Variants in SLC24A2 observed in about 807,000 individuals in gnomAD.
The protein encoded by SLC24A2 is solute carrier family 24 member 2.
In SLC24A2, 36 loss-of-function variants were observed where a neutral mutation model predicts 62.0. That is an observed-to-expected ratio of 0.58 (90% CI 0.44 to 0.77). SLC24A2 has a LOEUF of 0.77. Among genes scored for constraint, SLC24A2 ranks in the 30% least tolerant of loss-of-function variants. The pLI is 0.00. For missense variants in SLC24A2, 846 were observed against 817.9 expected (o/e 1.03, Z -0.42); for synonymous variants, 358 against 294.0 (o/e 1.22, Z -2.23).
the SLC24A2 span, among the ~76,000 whole-genome samples, chr9:20,124,727 C>G: frequency 6.6e-6 from 1 of 152,274 alleles, no homozygotes; most frequent in Non-Finnish European, 1.5e-5. Flanking sequence ...TAATGTGCCC[C>G]CAGTTCCCTC....
At chr9:19,773,819 A>C (rs1436315975) in intron 2 of SLC24A2, among the ~76,000 whole-genome samples, 1 of 152,222 alleles carries the variant, frequency 6.6e-6, no homozygotes, top group Non-Finnish European at 1.5e-5. Context: ...GATGATACAC[A>C]CAAGAGTGAA....
At chr9:20,253,916 T>A in the SLC24A2 span, among the ~76,000 whole-genome samples, 1 of 152,096 alleles carries the variant, frequency 6.6e-6, no homozygotes, top group Non-Finnish European at 1.5e-5. Flanking sequence ...TACCAAATGC[T>A]TTACAAATGT....
chr9:19,561,335 T>TG (rs1835390163), intron 7 of SLC24A2, among the ~76,000 whole-genome samples: 1 of 149,588 alleles, frequency 6.7e-6, no homozygotes, highest in Admixed American at 6.7e-5. Flanking sequence ...GAGGTAAGTT[T>TG]ACGTGTTTCT....
chr9:19,962,859 C>T, the SLC24A2 span, among the ~76,000 whole-genome samples: 1 of 152,264 alleles, frequency 6.6e-6, no homozygotes, highest in South Asian at 2.1e-4. Flanking sequence ...TTTCCTTCTC[C>T]TGCCTAACTG....
chr9:20,162,830 G>A, the SLC24A2 span, among the ~76,000 whole-genome samples: 698 of 152,048 alleles, frequency 4.6e-3, 2 homozygotes, highest in Non-Finnish European at 7.6e-3. Flanking sequence ...TTCAATATAC[G>A]CAAAACAATA....
intron 8 of SLC24A2, among the ~76,000 whole-genome samples, chr9:19,536,541 T>C (rs1272283029): frequency 2.5e-5 from 2 of 79,190 alleles, no homozygotes; most frequent in South Asian, 1.4e-3. Context: ...TCATCATTTT[T>C]TATGGCTGCA....
chr9:19,630,838 G>A (rs922841966), intron 2 of SLC24A2, among the ~76,000 whole-genome samples: 4 of 152,134 alleles, frequency 2.6e-5, no homozygotes, highest in East Asian at 1.9e-4. Flanking sequence ...AACACTTTCC[G>A]TTGAAAATGC....
chr9:19,871,249 G>A, the SLC24A2 span, among the ~76,000 whole-genome samples: 1 of 152,024 alleles, frequency 6.6e-6, no homozygotes, highest in Non-Finnish European at 1.5e-5. Flanking sequence ...TCATATTGTT[G>A]TTGACTGAAC....
At chr9:19,837,860 A>T in the SLC24A2 span, among the ~76,000 whole-genome samples, 1 of 152,056 alleles carries the variant, frequency 6.6e-6, no homozygotes, top group Non-Finnish European at 1.5e-5. Context: ...CCAACTTACA[A>T]GGGACGTGAA....
At chr9:20,033,709 A>C in the SLC24A2 span, among the ~76,000 whole-genome samples, 20 of 152,328 alleles carry the variant, frequency 1.3e-4, no homozygotes, top group Non-Finnish European at 2.2e-4. Flanking sequence ...ACAGCAACTC[A>C]CAGAAGTTAC....
chr9:20,009,288 G>C, the SLC24A2 span, among the ~76,000 whole-genome samples: 5 of 151,684 alleles, frequency 3.3e-5, no homozygotes, highest in Non-Finnish European at 5.9e-5. Flanking sequence ...TGGAGGCTGA[G>C]GCATGAGAAT....
intron 2 of SLC24A2, among the ~76,000 whole-genome samples, chr9:19,641,536 A>G (rs1474657695): frequency 1.4e-5 from 2 of 139,754 alleles, no homozygotes; most frequent in Non-Finnish European, 3.1e-5. Context: ...TTTTTTTGAG[A>G]TGGAGTCTCA....
the SLC24A2 span, among the ~76,000 whole-genome samples, chr9:19,832,099 G>C: frequency 1.3e-5 from 2 of 152,164 alleles, no homozygotes; most frequent in African/African-American, 4.8e-5. Flanking sequence ...CATTTCCAGA[G>C]CCATGAAATG....
chr9:20,270,007 G>C, the SLC24A2 span, among the ~76,000 whole-genome samples: 2 of 152,196 alleles, frequency 1.3e-5, no homozygotes, highest in East Asian at 3.8e-4. Flanking sequence ...TCATAACATG[G>C]TGGAGAATTT....
At chr9:19,829,810 TACACACACACAC>T in the SLC24A2 span, among the ~76,000 whole-genome samples, 4 of 34,142 alleles carry the variant, frequency 1.2e-4, no homozygotes, top group African/African-American at 1.9e-4. Context: ...TATATATATA[TACACACACACAC>T]ACACACACAC....
the SLC24A2 span, among the ~76,000 whole-genome samples, chr9:19,978,845 G>A: frequency 6.6e-6 from 1 of 152,116 alleles, no homozygotes; most frequent in Non-Finnish European, 1.5e-5. Flanking sequence ...GATGGAGGCA[G>A]AAAGGGGCAG....
the SLC24A2 span, among the ~76,000 whole-genome samples, chr9:20,240,180 G>T: frequency 6.6e-6 from 1 of 152,104 alleles, no homozygotes; most frequent in African/African-American, 2.4e-5. Flanking sequence ...AGAGGTGGAG[G>T]AGAGAGAGCA....
the SLC24A2 span, among the ~76,000 whole-genome samples, chr9:19,908,641 A>C: frequency 6.6e-6 from 1 of 152,368 alleles, no homozygotes; most frequent in East Asian, 1.9e-4. Context: ...ATTTACAAGA[A>C]AAAAACAACC....
intron 2 of SLC24A2, among the ~76,000 whole-genome samples, chr9:19,708,897 T>C (rs538576910): frequency 7.4e-4 from 113 of 152,118 alleles, no homozygotes; most frequent in African/African-American, 2.7e-3. Context: ...AAAGCCAAAA[T>C]TGACAAATGG....
Sources: allele counts gnomAD v4.1 joint callset (sites outside exome capture counted in the v4.1 genomes callset), GRCh38; gene constraint gnomAD v4.1.1; transcripts MANE v1.5; gene names NCBI Gene and HGNC (gene_info 2026-07-23, HGNC 2026-07-21).